Variants in SNX29 observed in about 807,000 individuals in gnomAD.
The protein encoded by SNX29 is sorting nexin 29, also known as sorting nexin-29.
In SNX29, 78 loss-of-function variants were observed where a neutral mutation model predicts 102.1. The observed-to-expected ratio is 0.76, with a 90% CI of 0.64 to 0.92. The LOEUF (loss-of-function observed/expected upper bound fraction) is 0.92. Ranked by LOEUF, SNX29 falls within the 40% of genes least tolerant of loss-of-function variation. SNX29 has a pLI of 0.00. For missense variants in SNX29, 1,280 were observed against 1,061.7 expected (o/e 1.21, Z -2.86); for synonymous variants, 580 against 414.5 (o/e 1.40, Z -4.85).
In SNX29 at chr16:12,572,743, G is replaced by A. The variant is rs535369652; in HGVS notation, c.*4114G>A. ...CAGAACTGATGGCAAAGGAAGGGCT[G>A]GGTTTTCAGCTTCTGGGACCCGAGG... On this transcript the variant is annotated 3_prime_UTR_variant, in exon 21 of 21. Transcript: ENST00000566228. 5 of 1,064,122 alleles carry A rather than the reference G, an allele frequency of 4.7e-6. No homozygotes were observed. The South Asian group carries it at 1.8e-4, about 39-fold the overall frequency. 65.9% of individuals were successfully genotyped at this position (1,064,122 alleles called of 1,614,324 possible).
chr16:12,443,385 CT>C, intron 18 of SNX29: 1 of 160,940 alleles, frequency 6.2e-6, no homozygotes, highest in Non-Finnish European at 1.4e-5. Flanking sequence ...CATGTTTTAC[CT>C]TTTCTTCTGG....
intron 20 of SNX29, among the ~76,000 whole-genome samples, chr16:12,555,985 AGT>A (rs1453776688): frequency 2.1e-5 from 3 of 144,472 alleles, no homozygotes; most frequent in Non-Finnish European, 3.1e-5. Flanking sequence ...TCAATTTTCA[AGT>A]GTTTTTTTTG....
chr16:12,489,393 T>C (rs944384181), intron 19 of SNX29, among the ~76,000 whole-genome samples: 1 of 152,188 alleles, frequency 6.6e-6, no homozygotes, highest in African/African-American at 2.4e-5. Context: ...TCCCTTTCTC[T>C]CGTCCTTCTC....
At chr16:12,545,022 C>T (rs1254277564) in intron 20 of SNX29, among the ~76,000 whole-genome samples, 2 of 152,188 alleles carry the variant, frequency 1.3e-5, no homozygotes, top group African/African-American at 4.8e-5. Flanking sequence ...CAGATGTCGG[C>T]TTCAGTAGCC....
At chr16:12,067,808 C>T (rs957376435) in intron 9 of SNX29, among the ~76,000 whole-genome samples, 9 of 152,106 alleles carry the variant, frequency 5.9e-5, no homozygotes, top group African/African-American at 1.9e-4. Context: ...CTTGAGTGAG[C>T]AAGGTTTCTC....
chr16:12,285,085 C>T (rs1032859577), intron 15 of SNX29, among the ~76,000 whole-genome samples: 2 of 152,172 alleles, frequency 1.3e-5, no homozygotes, highest in African/African-American at 4.8e-5. Context: ...ATAGTGAATT[C>T]TATTTTAGCT....
intron 13 of SNX29, chr16:12,135,507 G>T (rs774377737): frequency 7.6e-7 from 1 of 1,317,386 alleles, no homozygotes; most frequent in South Asian, 1.2e-5. Flanking sequence ...CTGCATTCTT[G>T]AGAGGATGGT....
rs141616943 is a variant in SNX29, at chr16:12,489,404, T to C, written c.2178+11545T>C. Among the ~76,000 whole-genome samples the C allele has an allele frequency of 7.0e-3, 1,062 of 152,314 alleles. 10 individuals are homozygous for C. The highest frequency in any genetic ancestry group is 0.024 in the African/African-American group (1,018 of 41,568). On this transcript the variant is annotated intron_variant, in intron 19 of 20. Coordinates refer to ENST00000566228, the MANE Select transcript of SNX29 (RefSeq NM_032167.5). ...CCTCTCCCTTTCTCTCGTCCTTCTC[T>C]GCAGTGTCATGGGCCACTTGCATCT...
chr16:12,558,717 G>T (rs1567198242), intron 20 of SNX29, among the ~76,000 whole-genome samples: 2 of 152,144 alleles, frequency 1.3e-5, no homozygotes, highest in South Asian at 4.1e-4. Flanking sequence ...TTCTACGGGG[G>T]GCTGCACAAG....
chr16:12,338,768 T>C (rs2081527173), intron 15 of SNX29, among the ~76,000 whole-genome samples: 1 of 152,192 alleles, frequency 6.6e-6, no homozygotes, highest in Non-Finnish European at 1.5e-5. Flanking sequence ...AATCTCTCCC[T>C]GCAGACCCCT....
At chr16:12,211,649 C>G (rs1305077740) in intron 14 of SNX29, among the ~76,000 whole-genome samples, 2 of 152,144 alleles carry the variant, frequency 1.3e-5, no homozygotes, top group African/African-American at 4.8e-5. Flanking sequence ...CTGTCAACTC[C>G]AGAATCTGCA....
chr16:12,355,139 A>G (rs373400136), intron 15 of SNX29, among the ~76,000 whole-genome samples: 1 of 152,230 alleles, frequency 6.6e-6, no homozygotes, highest in East Asian at 1.9e-4. Flanking sequence ...GGGAGCTCAA[A>G]TAAAAGTAGA....
rs141116444 is a variant in SNX29, at chr16:12,052,640, G to A, written c.1124+418G>A. On this transcript the variant is annotated intron_variant, in intron 8 of 20. Coordinates refer to ENST00000566228, the MANE Select transcript of SNX29 (RefSeq NM_032167.5). ...CATTCATTCTTCAGGTGTTGATTTA[G>A]GAGTGTTATTTGGAAGGAGTATTAT... 5.3e-4 allele frequency: 106 copies of A among 198,386 alleles called. 1 individual carries two copies. In the East Asian group the frequency reaches 0.013, roughly 23 times the overall value. The allele number at this position is 198,386 out of a possible 1,614,324, so 12.3% of individuals were successfully genotyped here.
intron 14 of SNX29, among the ~76,000 whole-genome samples, chr16:12,200,831 C>T (rs1342885430): frequency 6.6e-6 from 1 of 152,162 alleles, no homozygotes; most frequent in Non-Finnish European, 1.5e-5. Flanking sequence ...TCATGCTCAC[C>T]CACGACCACC....
chr16:12,037,635 A>T (rs1596657911), intron 4 of SNX29, among the ~76,000 whole-genome samples: 2 of 152,222 alleles, frequency 1.3e-5, no homozygotes, highest in South Asian at 4.1e-4. Context: ...TTCCCGTAGG[A>T]AAGCGGGGTG....
At chr16:12,435,149 AC>A (rs1323519447) in intron 18 of SNX29, among the ~76,000 whole-genome samples, 2 of 151,936 alleles carry the variant, frequency 1.3e-5, no homozygotes, top group South Asian at 2.1e-4. Context: ...GAATGTGTGC[AC>A]CCTGCTGCCC....
In SNX29 at chr16:12,573,401, T is replaced by G. The variant is rs953881524; in HGVS notation, c.*4772T>G. 1 of 223,684 alleles carries G rather than the reference T, an allele frequency of 4.5e-6. No homozygotes were observed. Among genetic ancestry groups the G allele is most frequent in the Non-Finnish European group, 8.9e-6 (1 of 112,308 alleles). 13.9% of individuals were successfully genotyped at this position (223,684 alleles called of 1,614,324 possible). ...TATCCTTCCTTATAGCTAGTTTCTA[T>G]AGAGAAGTGAAAAAGAAATCTGGCT... On this transcript the variant is annotated 3_prime_UTR_variant, in exon 21 of 21. Coordinates refer to ENST00000566228, the MANE Select transcript of SNX29 (RefSeq NM_032167.5).
chr16:12,287,072 C>T (rs1567399512), intron 15 of SNX29, among the ~76,000 whole-genome samples: 1 of 152,184 alleles, frequency 6.6e-6, no homozygotes, highest in Admixed American at 6.5e-5. Context: ...GAACAAGGAA[C>T]TGGAGCATCT....
chr16:12,537,309 A>G (rs796211688), intron 20 of SNX29, among the ~76,000 whole-genome samples: 1 of 152,238 alleles, frequency 6.6e-6, no homozygotes, highest in South Asian at 2.1e-4. Flanking sequence ...ATTTTAGTAT[A>G]GTGGCTAAGC....
Sources: allele counts gnomAD v4.1 joint callset (sites outside exome capture counted in the v4.1 genomes callset), GRCh38; gene constraint gnomAD v4.1.1; transcripts MANE v1.5; gene names NCBI Gene and HGNC (gene_info 2026-07-23, HGNC 2026-07-21).